Variants in TMEM132D observed in about 807,000 individuals in gnomAD.
The protein encoded by TMEM132D is transmembrane protein 132D.
TMEM132D carries 21 observed loss-of-function variants against 62.3 expected under a neutral mutation model. That is an observed-to-expected ratio of 0.34 (90% confidence interval 0.24 to 0.49). The LOEUF (loss-of-function observed/expected upper bound fraction) is 0.49. Among genes scored for constraint, TMEM132D ranks in the 20% least tolerant of loss-of-function variants. TMEM132D has a pLI of 0.99. For synonymous variants in TMEM132D, 621 were observed against 575.6 expected (o/e 1.08, Z -1.13); for missense variants, 1,346 against 1,402.8 (o/e 0.96, Z 0.65).
intron 3 of TMEM132D, among the ~76,000 whole-genome samples, chr12:129,470,558 G>A (rs1189538851): frequency 2.0e-5 from 3 of 152,118 alleles, no homozygotes; most frequent in Admixed American, 6.5e-5. Context: ...TTCAGGTGAG[G>A]ACATCGCTGC....
chr12:129,144,567 G>A (rs909985875), intron 5 of TMEM132D, among the ~76,000 whole-genome samples: 5 of 152,116 alleles, frequency 3.3e-5, no homozygotes, highest in African/African-American at 7.2e-5. Flanking sequence ...AGGCACCTGG[G>A]ACCATCCAGC....
intron 1 of TMEM132D, among the ~76,000 whole-genome samples, chr12:129,833,057 G>C (rs1038728493): frequency 6.6e-6 from 1 of 152,180 alleles, no homozygotes; most frequent in African/African-American, 2.4e-5. Context: ...CCGATGTCCA[G>C]ACTTTGACCT....
chr12:129,899,637 T>G (rs183307657), intron 1 of TMEM132D, among the ~76,000 whole-genome samples: 64 of 152,346 alleles, frequency 4.2e-4, no homozygotes, highest in Non-Finnish European at 7.1e-4. Flanking sequence ...GCTTCTATAA[T>G]AAAATATTTT....
At chr12:129,803,016 C>G (rs1871848931) in intron 1 of TMEM132D, among the ~76,000 whole-genome samples, 1 of 150,948 alleles carries the variant, frequency 6.6e-6, no homozygotes, top group African/African-American at 2.4e-5. Context: ...GCACCCAATA[C>G]AGGAGCACCC....
In TMEM132D at chr12:129,388,375, GATA is replaced by G. The variant is rs1346469091; in HGVS notation, c.1116-50561_1116-50559del. On this transcript the variant is annotated intron_variant, in intron 3 of 8. Coordinates refer to ENST00000422113, the MANE Select transcript of TMEM132D (RefSeq NM_133448.3). ...ACACCAACACCAATCCAGCACTGAT[GATA>G]ATATTAACACTAACACGAATCCTAA... Among the ~76,000 whole-genome samples the G allele has an allele frequency of 5.9e-5, 4 of 67,236 alleles. 1 individual carries two copies. Among genetic ancestry groups the G allele is most frequent in the African/African-American group, 8.4e-5 (2 of 23,912 alleles). 44.1% of individuals were successfully genotyped at this position (67,236 alleles called of 152,430 possible).
chr12:129,585,158 T>A (rs1877988441), intron 2 of TMEM132D, among the ~76,000 whole-genome samples: 1 of 152,164 alleles, frequency 6.6e-6, no homozygotes. Flanking sequence ...GGAGAGGCAA[T>A]GGCATTTCAT....
chr12:129,524,920 CT>C lies in TMEM132D; in HGVS notation c.1115+6138del, dbSNP rs761892015. Among the ~76,000 whole-genome samples the C allele has an allele frequency of 3.0e-4, 28 of 92,190 alleles. 1 individual carries two copies. The highest frequency in any genetic ancestry group is 1.1e-3 in the African/African-American group (25 of 22,500). 60.5% of individuals were successfully genotyped at this position (92,190 alleles called of 152,430 possible). On this transcript the variant is annotated intron_variant, in intron 3 of 8. Coordinates refer to ENST00000422113, the MANE Select transcript of TMEM132D (RefSeq NM_133448.3). The stretch of plus-strand genomic sequence containing the variant: ...CATTTTATTATTTTCATATTTTTTT[CT>C]TTTTTCTTTTTTTTTTTTTTTTTGA...
At chr12:129,617,920 G>A (rs962515952) in intron 2 of TMEM132D, among the ~76,000 whole-genome samples, 2 of 152,180 alleles carry the variant, frequency 1.3e-5, no homozygotes, top group African/African-American at 2.4e-5. Flanking sequence ...TGTGGCTTTG[G>A]AAGCAGACTG....
In TMEM132D at chr12:129,469,708, G is replaced by A. The variant is rs180703657; in HGVS notation, c.1115+61351C>T. The stretch of plus-strand genomic sequence containing the variant: ...CACTCCCTCTTTTATAAGGGAAAAA[G>A]GAGATTTTAGAAAACAGAATGGACA... On this transcript the variant is annotated intron_variant, in intron 3 of 8. Coordinates refer to ENST00000422113, the MANE Select transcript of TMEM132D (RefSeq NM_133448.3). 3.3e-3 allele frequency among the ~76,000 whole-genome samples: 496 copies of A among 152,268 alleles called. 13 individuals carry two copies. The highest frequency in any genetic ancestry group is 0.028 in the Admixed American group (430 of 15,294).
At chr12:129,883,480 A>G (rs529650426) in intron 1 of TMEM132D, among the ~76,000 whole-genome samples, 7 of 152,224 alleles carry the variant, frequency 4.6e-5, no homozygotes, top group Middle Eastern at 3.2e-3. Context: ...TGCAGGTTCA[A>G]TACACTTCCA....
chr12:129,666,240 C>T (rs642076), intron 2 of TMEM132D, among the ~76,000 whole-genome samples: 115,708 of 152,058 alleles, frequency 0.76, 44,403 homozygotes, highest in East Asian at 0.85. Flanking sequence ...GAGCCAGTAA[C>T]CAGATTAAGA....
At chr12:129,171,000 G>A (rs1004956864) in intron 5 of TMEM132D, among the ~76,000 whole-genome samples, 4 of 152,226 alleles carry the variant, frequency 2.6e-5, no homozygotes, top group Admixed American at 2.0e-4. Flanking sequence ...TGCATTGATC[G>A]ACTCTTCCTT....
At chr12:129,506,587 A>G (rs1875337521) in intron 3 of TMEM132D, among the ~76,000 whole-genome samples, 1 of 152,188 alleles carries the variant, frequency 6.6e-6, no homozygotes, top group South Asian at 2.1e-4. Flanking sequence ...TTGACAAACC[A>G]AAGAAAAACA....
At chr12:129,398,975 G>T (rs913994634) in intron 3 of TMEM132D, among the ~76,000 whole-genome samples, 1 of 152,162 alleles carries the variant, frequency 6.6e-6, no homozygotes, top group African/African-American at 2.4e-5. Context: ...TGGTTCCAGA[G>T]GCTGGGACAT....
chr12:129,788,770 T>C (rs1406302658), intron 1 of TMEM132D, among the ~76,000 whole-genome samples: 1 of 151,834 alleles, frequency 6.6e-6, no homozygotes, highest in Admixed American at 6.6e-5. Flanking sequence ...TCTCGGGGAG[T>C]CAAGACTCTT....
At chr12:129,615,815 T>C (rs146459268) in intron 2 of TMEM132D, among the ~76,000 whole-genome samples, 6 of 148,632 alleles carry the variant, frequency 4.0e-5, no homozygotes, top group South Asian at 4.2e-4. Context: ...TAAAATAAAA[T>C]AAAATAAAAT....
At chr12:129,444,512 G>A (rs1422524098) in intron 3 of TMEM132D, among the ~76,000 whole-genome samples, 3 of 152,142 alleles carry the variant, frequency 2.0e-5, no homozygotes, top group South Asian at 2.1e-4. Flanking sequence ...GGTTTGTTAC[G>A]TAGGTAAATG....
intron 2 of TMEM132D, among the ~76,000 whole-genome samples, chr12:129,677,779 AC>A (rs1593116565): frequency 1.3e-5 from 2 of 148,830 alleles, no homozygotes; most frequent in South Asian, 2.1e-4. Context: ...CCCCAGTAAC[AC>A]CCTTCATCCT....
chr12:129,198,706 A>C lies in TMEM132D; in HGVS notation c.1443+10814T>G, dbSNP rs1048318779. Among the ~76,000 whole-genome samples, 39 of 152,340 alleles carry C rather than the reference A, an allele frequency of 2.6e-4. 1 individual carries two copies. Among genetic ancestry groups the C allele is most frequent in the African/African-American group, 7.5e-4 (31 of 41,588 alleles). On this transcript the variant is annotated intron_variant, in intron 5 of 8. Coordinates refer to ENST00000422113, the MANE Select transcript of TMEM132D (RefSeq NM_133448.3). The stretch of plus-strand genomic sequence containing the variant: ...CCAGAAAGAATAAGTTATTTTTTAA[A>C]AATCTATCTCACAGTGTGGACAATA...
Sources: allele counts gnomAD v4.1 joint callset (sites outside exome capture counted in the v4.1 genomes callset), GRCh38; gene constraint gnomAD v4.1.1; transcripts MANE v1.5; gene names NCBI Gene and HGNC (gene_info 2026-07-23, HGNC 2026-07-21).